The following C3orf22 variants were observed in gnomAD, a reference collection of about 807,000 sequenced individuals.
C3orf22 encodes chromosome 3 open reading frame 22.
A neutral mutation model predicts 10.8 loss-of-function variants in C3orf22; 7 were observed. That is an observed-to-expected ratio of 0.65 (90% CI 0.37 to 1.22). C3orf22 has a LOEUF of 1.22. C3orf22 is among the 50% of genes most tolerant of loss of function. C3orf22 has a pLI of 0.02. For missense variants in C3orf22, 173 were observed against 177.0 expected, an observed-to-expected ratio of 0.98 and a Z score of 0.13; for synonymous variants, 79 against 78.9, an observed-to-expected ratio of 1.00 and a Z score of 0.00.
At chr3:126,541,533 T>C (rs927044763) in intron 4 of C3orf22, among the ~76,000 whole-genome samples, 3 of 152,148 alleles carry the variant, frequency 2.0e-5, no homozygotes, top group African/African-American at 7.2e-5. Flanking sequence ...TCAGAATCCG[T>C]TTCTCCCAAA....
intron 1 of C3orf22, among the ~76,000 whole-genome samples, chr3:126,556,613 G>A (rs150485678): frequency 6.3e-4 from 95 of 151,900 alleles, no homozygotes; most frequent in African/African-American, 2.2e-3. Context: ...CGCTAAGCAG[G>A]TTTCCCACCT....
chr3:126,546,853 T>C (rs928219879), downstream of C3orf22, among the ~76,000 whole-genome samples: 5 of 152,166 alleles, frequency 3.3e-5, no homozygotes, highest in Admixed American at 2.6e-4. Flanking sequence ...GGATTGCCTC[T>C]CACAAAAACT....
Position 126,550,477 on chromosome 3 carries a change from C to CCT in C3orf22, c.216-401_216-400dup, listed in dbSNP as rs541876711. Among the ~76,000 whole-genome samples the CCT allele has an allele frequency of 3.9e-5, 6 of 152,276 alleles. No homozygotes were observed. In the East Asian group the frequency reaches 1.2e-3, roughly 29 times the overall value. ...CATGCCAACCTGACTGTGAGGACAC[C>CCT]CTCTGTCTCCCACTCCTCCTTCCAG... On this transcript the variant is annotated intron_variant, in intron 3 of 3. Coordinates refer to ENST00000318225, the MANE Select transcript of C3orf22 (RefSeq NM_152533.3).
At chr3:126,544,988 C>G (rs1046387729), downstream of C3orf22, among the ~76,000 whole-genome samples, 3 of 152,242 alleles carry the variant, frequency 2.0e-5, no homozygotes, top group African/African-American at 2.4e-5. Flanking sequence ...CTGCTCTGGC[C>G]TGCTGTGGCC....
chr3:126,548,576 T>A (rs1937108593), downstream of C3orf22, among the ~76,000 whole-genome samples: 2 of 152,350 alleles, frequency 1.3e-5, no homozygotes, highest in African/African-American at 4.8e-5. Context: ...CAGGGATCTT[T>A]GCTTCCTGCA....
At chr3:126,529,396 A>G (rs1576746483) in intron 4 of C3orf22, 1 of 1,289,110 alleles carries the variant, frequency 7.8e-7, no homozygotes, top group Non-Finnish European at 1.0e-6. Context: ...AAGGGGGGAC[A>G]GGTGTCAGGA....
rs1936998316 is a variant in C3orf22, at chr3:126,542,716, C to G, written c.286+6821G>C. Reference sequence around the variant, plus strand: ...CACCTGGCCGCCGGGCCAGCGGGCGCAGGGCACACCTGGCCAGGCTTGGGG... The same window carrying G: ...CACCTGGCCGCCGGGCCAGCGGGCGGAGGGCACACCTGGCCAGGCTTGGGG... On this transcript the variant is annotated intron_variant and NMD_transcript_variant, in intron 4 of 5. Transcript: ENST00000505070. 9 of 1,277,894 alleles carry G rather than the reference C, an allele frequency of 7.0e-6. No homozygotes were observed. In the East Asian group the frequency reaches 2.9e-4, roughly 41 times the overall value. The allele number at this position is 1,277,894 out of a possible 1,614,324, so 79.2% of individuals were successfully genotyped here. A position where few individuals can be genotyped will look rare whatever the true frequency, so the allele number is the denominator to read the frequency against.
intron 4 of C3orf22, among the ~76,000 whole-genome samples, chr3:126,539,914 A>T (rs951810737): frequency 4.1e-4 from 1 of 2,462 alleles, no homozygotes; most frequent in Non-Finnish European, 1.3e-3. Context: ...TACATACACC[A>T]CACACACCAC....
chr3:126,542,270 G>A, intron 4 of C3orf22: 1 of 1,560,274 alleles, frequency 6.4e-7, no homozygotes, highest in South Asian at 1.2e-5. Context: ...CACGCGGCGT[G>A]AGGAGCCCTT....
At chr3:126,553,042 G>A (rs557991443) in intron 2 of C3orf22, among the ~76,000 whole-genome samples, 3 of 152,232 alleles carry the variant, frequency 2.0e-5, no homozygotes, top group Non-Finnish European at 2.9e-5. Context: ...TGCTCCTCGC[G>A]TGACTTGGGG....
downstream of C3orf22, among the ~76,000 whole-genome samples, chr3:126,547,039 G>A (rs989947629): frequency 6.6e-6 from 1 of 152,208 alleles, no homozygotes; most frequent in Non-Finnish European, 1.5e-5. Flanking sequence ...CCCTCCTCCT[G>A]CATAGGTGTG....
chr3:126,527,162 C>G (rs1226417112), exon 6 of C3orf22: 1 of 152,384 alleles, frequency 6.6e-6, no homozygotes, highest in Non-Finnish European at 1.5e-5. Context: ...ACAGGTGTTC[C>G]TCTTGGAGCC....
chr3:126,542,625 A>G (rs1936992882), intron 4 of C3orf22: 1 of 1,424,916 alleles, frequency 7.0e-7, no homozygotes, highest in Non-Finnish European at 9.2e-7. Flanking sequence ...CCTTTCCGAC[A>G]AGACCCCCGG....
intron 4 of C3orf22, chr3:126,536,249 A>G: frequency 6.2e-7 from 1 of 1,610,118 alleles, no homozygotes; most frequent in Non-Finnish European, 8.5e-7. Context: ...TGGTGGCGAC[A>G]TCTCTCTCCT....
intron 1 of C3orf22, 97 bp from the exon 2 acceptor site, chr3:126,553,527 G>A (rs1221869065): frequency 3.2e-5 from 24 of 761,404 alleles, no homozygotes; most frequent in Admixed American, 6.2e-5. Context: ...CCTGCGGGCC[G>A]CCAAATGACC....
chr3:126,553,169 G>A (rs145766644), intron 2 of C3orf22, 133 bp downstream of exon 2: 6 of 739,860 alleles, frequency 8.1e-6, no homozygotes, highest in African/African-American at 6.9e-5. Flanking sequence ...AGCTGGGCAA[G>A]GGCTGCTAAG....
chr3:126,549,610 G>T, downstream of C3orf22: 2 of 1,403,128 alleles, frequency 1.4e-6, no homozygotes, highest in Non-Finnish European at 1.9e-6. Context: ...CACCAACCCT[G>T]CAAGATTAAA....
rs755955147 is a variant in C3orf22, at chr3:126,542,436, G to A, written c.286+7101C>T. The A allele has an allele frequency of 2.0e-5, 31 of 1,557,592 alleles. No individual in the cohort carries two copies. The East Asian group carries it at 6.0e-4, about 30-fold the overall frequency. ...AGCTTCCCTGGGCCGCCGCGGCCCC[G>A]GGGAGCCGCCGCCTCCCGCGACCTG... is the stretch of plus-strand genomic sequence containing the variant. On this transcript the variant is annotated intron_variant and NMD_transcript_variant, in intron 4 of 5. Transcript: ENST00000505070.
intron 1 of C3orf22, among the ~76,000 whole-genome samples, chr3:126,557,528 T>C (rs1576255706): frequency 1.3e-5 from 2 of 152,194 alleles, no homozygotes; most frequent in East Asian, 1.9e-4. Flanking sequence ...CTGGGCTAGC[T>C]GGGAGGCTGC....
Sources: gnomAD v4.1 joint callset for allele counts (sites outside exome capture counted in the v4.1 genomes callset) on GRCh38, gnomAD v4.1.1 for gene constraint, MANE v1.5 for transcripts, NCBI Gene and HGNC (gene_info 2026-07-23, HGNC 2026-07-21) for gene names.